The following ZBBX variants were observed in gnomAD, a reference collection of about 807,000 sequenced individuals.
ZBBX encodes zinc finger B-box domain-containing protein 1.
A neutral mutation model predicts 108.5 loss-of-function variants in ZBBX; 101 were observed. The ratio of observed to expected loss-of-function variants is 0.93; its 90% CI spans 0.79 to 1.10. The LOEUF is 1.10. Among genes scored for constraint, ZBBX ranks in the 50% least tolerant of loss-of-function variants. The pLI, the probability that ZBBX is intolerant of heterozygous loss-of-function variation, is 0.00. For missense variants in ZBBX, 1,009 were observed against 941.4 expected, an observed-to-expected ratio of 1.07 and a Z score of -0.94; for synonymous variants, 356 against 323.4, an observed-to-expected ratio of 1.10 and a Z score of -1.08.
At chr3:167,191,407 T>C in the ZBBX span, among the ~76,000 whole-genome samples, 2 of 152,182 alleles carry the variant, frequency 1.3e-5, no homozygotes, top group African/African-American at 4.8e-5. Context: ...CACCCAAATC[T>C]CATCTTGAAT....
chr3:167,179,710 G>C, the ZBBX span, among the ~76,000 whole-genome samples: 1 of 152,166 alleles, frequency 6.6e-6, no homozygotes, highest in Non-Finnish European at 1.5e-5. Context: ...AGGGCATCTG[G>C]AAAACTTTAC....
intron 20 of ZBBX, among the ~76,000 whole-genome samples, chr3:167,256,625 T>A (rs954568883): frequency 1.8e-4 from 3 of 16,888 alleles, no homozygotes; most frequent in Non-Finnish European, 3.0e-4. Context: ...CCCACCCCAC[T>A]ACCCTTTCAA....
chr3:167,191,932 T>TAGAGAGAGAGAGAG, the ZBBX span, among the ~76,000 whole-genome samples: 73 of 128,042 alleles, frequency 5.7e-4, no homozygotes, highest in African/African-American at 2.3e-3. Context: ...TATATATATA[T>TAGAGAGAGAGAGAG]ATAGAGCAAG....
At chr3:167,263,502 T>C (rs373071367) in intron 20 of ZBBX, among the ~76,000 whole-genome samples, 16 of 152,222 alleles carry the variant, frequency 1.1e-4, no homozygotes, top group African/African-American at 3.9e-4. Flanking sequence ...TTTGGGAGCA[T>C]ACTGTTTAAT....
chr3:167,351,938 T>C (rs1321272596), intron 8 of ZBBX, among the ~76,000 whole-genome samples: 1 of 152,156 alleles, frequency 6.6e-6, no homozygotes, highest in East Asian at 1.9e-4. Context: ...CCCTTCCTGG[T>C]TGCTGGCCCA....
the ZBBX span, among the ~76,000 whole-genome samples, chr3:167,215,251 AAGAG>A: frequency 6.7e-6 from 1 of 149,118 alleles, no homozygotes; most frequent in African/African-American, 2.6e-5. Flanking sequence ...TTAAAAATAA[AAGAG>A]AGAAGATCCA....
intron 17 of ZBBX, among the ~76,000 whole-genome samples, chr3:167,300,609 C>CTTTTTT (rs59816017): frequency 7.1e-6 from 1 of 141,798 alleles, no homozygotes; most frequent in African/African-American, 2.6e-5. Context: ...CCCACCAACC[C>CTTTTTT]TTTTTTTTTT....
At position 167,314,221 on chromosome 3, in the gene ZBBX, T is replaced by G. The variant is rs552791703; in HGVS notation, c.1275-105A>C. On this transcript the variant is annotated intron_variant, in intron 15 of 21. Transcript: ENST00000675490. ...TAAAACAAATATAGTAAAACTTTAA[T>G]AGGGTTATTTACATTAATTTAATAT... 1.2e-5 allele frequency: 10 copies of G among 852,774 alleles called. No individual in the cohort carries two copies. In the East Asian group the frequency reaches 3.0e-4, roughly 25 times the overall value. The allele number at this position is 852,774 out of a possible 1,614,324, so 52.8% of individuals were successfully genotyped here.
intron 11 of ZBBX, among the ~76,000 whole-genome samples, chr3:167,323,239 G>GA (rs989560605): frequency 4.9e-5 from 1 of 20,348 alleles, no homozygotes; most frequent in Non-Finnish European, 1.2e-4. Context: ...AGCTAAAAGA[G>GA]GGGGGGGGGG....
chr3:167,289,017 T>G (rs1560077089), intron 18 of ZBBX, 34 bp from the exon 19 acceptor site: 6 of 1,455,318 alleles, frequency 4.1e-6, no homozygotes, highest in Non-Finnish European at 4.6e-6. Flanking sequence ...AACATAAAGT[T>G]TGAAAAGAAG....
intron 9 of ZBBX, among the ~76,000 whole-genome samples, chr3:167,339,921 T>A (rs1740249441): frequency 6.6e-6 from 1 of 152,092 alleles, no homozygotes. Context: ...TTGATTGGTT[T>A]TCTGTTCCTG....
chr3:167,394,386 TG>T (rs1748167145), intron 1 of ZBBX, among the ~76,000 whole-genome samples: 4 of 151,968 alleles, frequency 2.6e-5, no homozygotes, highest in Admixed American at 2.6e-4. Flanking sequence ...TCTTTCTGAT[TG>T]TATCAAGTAG....
At chr3:167,223,298 T>G in the ZBBX span, among the ~76,000 whole-genome samples, 1 of 151,972 alleles carries the variant, frequency 6.6e-6, no homozygotes, top group African/African-American at 2.4e-5. Flanking sequence ...GTGAAGGTCT[T>G]ATTTCTTCTT....
the ZBBX span, among the ~76,000 whole-genome samples, chr3:167,182,590 G>A: frequency 7.4e-4 from 113 of 152,238 alleles, no homozygotes; most frequent in African/African-American, 2.6e-3. Flanking sequence ...AACCAGCCCA[G>A]TCACCAACCC....
chr3:167,297,786 C>T (rs976754943), intron 18 of ZBBX, among the ~76,000 whole-genome samples: 2 of 151,842 alleles, frequency 1.3e-5, no homozygotes, highest in Non-Finnish European at 2.9e-5. Flanking sequence ...TGAAAAGATG[C>T]TTAACATTAT....
chr3:167,227,431 C>T, the ZBBX span, among the ~76,000 whole-genome samples: 1 of 151,670 alleles, frequency 6.6e-6, no homozygotes, highest in Admixed American at 6.6e-5. Flanking sequence ...AAGCAGGAGC[C>T]AGCTAACTCT....
chr3:167,365,809 A>G, intron 6 of ZBBX, 77 bp downstream of exon 6: 2 of 971,160 alleles, frequency 2.1e-6, no homozygotes, highest in Non-Finnish European at 3.1e-6. Flanking sequence ...TCCTGAGTAT[A>G]GAAGAAAATG....
At chr3:167,298,551 A>ATG in intron 17 of ZBBX, 93 bp from the exon 18 acceptor site, 1 of 963,476 alleles carries the variant, frequency 1.0e-6, no homozygotes, top group Non-Finnish European at 1.4e-6. Context: ...TATCTGATAT[A>ATG]CTTGGCACAA....
At chr3:167,373,032 G>T in intron 3 of ZBBX, 82 bp from the exon 4 acceptor site, 1 of 620,368 alleles carries the variant, frequency 1.6e-6, no homozygotes, top group Non-Finnish European at 2.6e-6. Context: ...TATAATTCAG[G>T]AATGTTTTTA....
Sources: allele counts gnomAD v4.1 joint callset (sites outside exome capture counted in the v4.1 genomes callset), GRCh38; gene constraint gnomAD v4.1.1; transcripts MANE v1.5; gene names NCBI Gene and HGNC (gene_info 2026-07-23, HGNC 2026-07-21).